LIG1: variants seen among roughly 807,000 people sequenced by gnomAD.
LIG1 encodes ligase I, DNA, ATP-dependent.
In LIG1, 70 loss-of-function variants were observed where a neutral mutation model predicts 115.7. The observed-to-expected ratio is 0.60, with a 90% confidence interval of 0.50 to 0.74. The LOEUF is 0.74. LIG1 is among the 30% of genes least tolerant of loss of function. The pLI is 0.00. For missense variants in LIG1, 1,115 were observed against 1,225.6 expected (o/e 0.91, Z 1.35); for synonymous variants, 487 against 495.3 (o/e 0.98, Z 0.22).
chr19:48,140,074 G>A lies in LIG1; in HGVS notation c.984C>T (p.Leu328=). The A allele has an allele frequency of 6.2e-7, 1 of 1,614,000 alleles. No homozygotes were observed. Among genetic ancestry groups the A allele is most frequent in the South Asian group, 1.1e-5 (1 of 91,088 alleles). Residue 328 remains leucine, a synonymous_variant, in exon 12 of 28, where the codon CTC becomes CTT. Transcript: ENST00000263274. Reference sequence around the variant, plus strand: ...GGTTGAGGCTGAGGTAGAGGACAGGGAGGAGGTCTGGAGGCGACAGGGCCA... The same window carrying A: ...GGTTGAGGCTGAGGTAGAGGACAGGAAGGAGGTCTGGAGGCGACAGGGCCA... ...SVVALSPPDL[L]PVLYLSLNHL... is the part of the protein sequence containing the mutation.
intron 14 of LIG1, among the ~76,000 whole-genome samples, chr19:48,136,338 T>G (rs955098873): frequency 6.6e-6 from 1 of 152,118 alleles, no homozygotes; most frequent in African/African-American, 2.4e-5. Flanking sequence ...CCCACTAGCA[T>G]AGACTGGGGA....
intron 21 of LIG1, among the ~76,000 whole-genome samples, chr19:48,126,569 G>A (rs1284834836): frequency 1.3e-5 from 2 of 149,108 alleles, no homozygotes; most frequent in African/African-American, 2.5e-5. Context: ...TCTCACCACT[G>A]CACTCCAGCC....
At chr19:48,167,049 G>A (rs984634647) in intron 1 of LIG1, among the ~76,000 whole-genome samples, 2 of 150,876 alleles carry the variant, frequency 1.3e-5, no homozygotes, top group African/African-American at 4.9e-5. Flanking sequence ...AGGAGTCCAA[G>A]AGCAGAACTC....
intron 9 of LIG1, among the ~76,000 whole-genome samples, chr19:48,146,429 C>T (rs994082972): frequency 6.6e-6 from 1 of 152,232 alleles, no homozygotes; most frequent in African/African-American, 2.4e-5. Flanking sequence ...CATGCCTCTA[C>T]AAATGAAACA....
In LIG1 at chr19:48,133,984, G is replaced by A. The variant is rs2034213154; in HGVS notation, c.1606C>T (p.Pro536Ser). The change falls in exon 17 of 28, where the codon CCA becomes TCA. Residue 536 changes from proline (P) to serine (S), a missense_variant. Transcript: ENST00000263274. ...ERLPEHCKLSPGIPLKPMLAH... is the reference protein window; with the variant it reads ...ERLPEHCKLSSGIPLKPMLAH... ...TGAGCGCCCCTGGGGCCTGTACCTG[G>A]GCTCAGCTTGCAGTGCTCCGGGAGA... is the stretch of plus-strand genomic sequence containing the variant. 3.9e-6 allele frequency: 6 copies of A among 1,553,454 alleles called. No homozygotes were observed. The highest frequency in any genetic ancestry group is 5.2e-6 in the Non-Finnish European group (6 of 1,147,950).
At chr19:48,116,939 C>A (rs73568119) in intron 26 of LIG1, among the ~76,000 whole-genome samples, 21,727 of 152,082 alleles carry the variant, frequency 0.14, 1,900 homozygotes, top group African/African-American at 0.25. Context: ...GTGTTTGTGA[C>A]CAGCCTAGTC....
chr19:48,157,497 A>T (rs1235918900), intron 4 of LIG1, among the ~76,000 whole-genome samples: 1 of 151,998 alleles, frequency 6.6e-6, no homozygotes, highest in Non-Finnish European at 1.5e-5. Flanking sequence ...AGCTCTACAC[A>T]ATGGGATGTC....
chr19:48,161,114 T>C (rs2036148831), intron 4 of LIG1: 1 of 555,252 alleles, frequency 1.8e-6, no homozygotes, highest in Admixed American at 3.1e-5. Flanking sequence ...CCAGTCACCC[T>C]ATGAGGAAGG....
Position 48,137,531 on chromosome 19 carries a change from AG to A in LIG1, c.1244del (p.Thr415MetfsTer10), listed in dbSNP as rs778319960. 77 of 1,612,608 alleles carry A rather than the reference AG, an allele frequency of 4.8e-5. No individual in the cohort carries two copies. Among genetic ancestry groups the A allele is most frequent in the Non-Finnish European group, 6.5e-5 (77 of 1,180,008 alleles). On this transcript the variant is annotated frameshift_variant, in exon 13 of 28. Transcript: ENST00000263274. LOFTEE classifies it high-confidence loss of function. This position sits in a 1 kb window ranked among gnomAD's most constrained non-coding sequence, Gnocchi z 4.3. ...GGCCCGCCCCACTCACAGCACTGCC[AG>A]TGAGCCTGGCGATGTCGCGGAACTT... Reference protein sequence around the residue: ...FSKFRDIARLTGSASTAKKID... With the variant: ...FSKFRDIARLXGSASTAKKID...
At chr19:48,144,465 A>G (rs1328025016) in intron 9 of LIG1, among the ~76,000 whole-genome samples, 1 of 152,208 alleles carries the variant, frequency 6.6e-6, no homozygotes, top group Non-Finnish European at 1.5e-5. Context: ...TGCCATGCTA[A>G]CACCACATCG....
Position 48,165,616 on chromosome 19 carries a change from A to G in LIG1, c.-50T>C. 1 of 1,613,734 alleles carries G rather than the reference A, an allele frequency of 6.2e-7. No individual in the cohort carries two copies. Among genetic ancestry groups the G allele is most frequent in the Non-Finnish European group, 8.5e-7 (1 of 1,179,684 alleles). ...TGTCCAGCACTTTTCTTCGTCTGTCAGCTGCTCCTGGAACAGAAATCCAAA... is the reference window on the plus strand; with the variant it reads ...TGTCCAGCACTTTTCTTCGTCTGTCGGCTGCTCCTGGAACAGAAATCCAAA... On this transcript the variant is annotated 5_prime_UTR_variant, in exon 2 of 28. Transcript: ENST00000263274.
At chr19:48,143,471 G>T in intron 11 of LIG1, 72 bp downstream of exon 11, 1 of 1,269,356 alleles carries the variant, frequency 7.9e-7, no homozygotes, top group South Asian at 1.2e-5. Flanking sequence ...GAACAAGGCA[G>T]CACAGACCGC....
chr19:48,141,202 C>CGA lies in LIG1; in HGVS notation c.915-1061_915-1060dup, dbSNP rs574444322. Among the ~76,000 whole-genome samples the CGA allele has an allele frequency of 2.6e-3, 390 of 152,338 alleles. 3 individuals carry two copies. Among genetic ancestry groups the CGA allele is most frequent in the African/African-American group, 9.0e-3 (375 of 41,578 alleles). The stretch of plus-strand genomic sequence containing the variant: ...TCGCCCAAGGTAGAGTGCAGTGGCA[C>CGA]GATCTCGGCTCGCTGCAACCTCCAC... On this transcript the variant is annotated intron_variant, in intron 11 of 27. Coordinates refer to ENST00000263274, the MANE Select transcript of LIG1 (RefSeq NM_000234.3).
rs751306812 is a variant in LIG1 at position 48,121,156 on chromosome 19, C to T, written c.2385+14G>A. The T allele has an allele frequency of 3.7e-6, 6 of 1,614,128 alleles. No homozygotes were observed. Among genetic ancestry groups the T allele is most frequent in the Non-Finnish European group, 5.1e-6 (6 of 1,180,026 alleles). On this transcript the variant is annotated intron_variant, in intron 24 of 27. Coordinates refer to ENST00000263274, the MANE Select transcript of LIG1 (RefSeq NM_000234.3). ...TCCCTCCTGCTTCTGCCATCAGCCC[C>T]AGTTCCCCAGGACCTTGCATATGGC...
At chr19:48,130,231 C>T (rs1347406938) in intron 19 of LIG1, among the ~76,000 whole-genome samples, 1 of 152,220 alleles carries the variant, frequency 6.6e-6, no homozygotes, top group Non-Finnish European at 1.5e-5. Context: ...GTGCTTGGCA[C>T]GGAACAGGAG....
chr19:48,159,866 C>T (rs188693520), intron 4 of LIG1, among the ~76,000 whole-genome samples: 175 of 152,222 alleles, frequency 1.1e-3, no homozygotes, highest in African/African-American at 3.4e-3. Flanking sequence ...TACAGGCGCC[C>T]GCCACCACGC....
intron 2 of LIG1, among the ~76,000 whole-genome samples, chr19:48,164,835 T>A (rs1406219069): frequency 6.6e-6 from 1 of 152,246 alleles, no homozygotes; most frequent in Non-Finnish European, 1.5e-5. Context: ...TATTGACATG[T>A]TGGGCCTGAT....
chr19:48,144,809 G>A (rs1454192678), intron 9 of LIG1, among the ~76,000 whole-genome samples: 3 of 152,068 alleles, frequency 2.0e-5, no homozygotes, highest in African/African-American at 7.2e-5. Flanking sequence ...TGGCCAGAAG[G>A]GACCTTTCTA....
chr19:48,140,047 G>A lies in LIG1; in HGVS notation c.1011C>T (p.His337=). 1 of 1,614,104 alleles carries A rather than the reference G, an allele frequency of 6.2e-7. No individual in the cohort carries two copies. Among genetic ancestry groups the A allele is most frequent in the Non-Finnish European group, 8.5e-7 (1 of 1,180,050 alleles). The part of the protein sequence containing the change: ...LLPVLYLSLN[H]LGPPQQGLEL... ...CCAGGCCCTGCTGGGGTGGCCCAAGGTGGTTGAGGCTGAGGTAGAGGACAG... is the reference window on the plus strand; with the variant it reads ...CCAGGCCCTGCTGGGGTGGCCCAAGATGGTTGAGGCTGAGGTAGAGGACAG... Residue 337 remains histidine, a synonymous_variant, in exon 12 of 28, where the codon CAC becomes CAT. Coordinates refer to ENST00000263274, the MANE Select transcript of LIG1 (RefSeq NM_000234.3).
Sources: allele counts gnomAD v4.1 joint callset (sites outside exome capture counted in the v4.1 genomes callset), GRCh38; gene constraint gnomAD v4.1.1; non-coding constraint Gnocchi (gnomAD v3.1); transcripts MANE v1.5; gene names NCBI Gene and HGNC (gene_info 2026-07-23, HGNC 2026-07-21).